Variants in RPH3A observed in about 807,000 individuals in gnomAD.
RPH3A encodes the protein rabphilin-3A.
RPH3A carries 48 observed loss-of-function variants against 102.2 expected under a neutral mutation model. The observed-to-expected ratio is 0.47, with a 90% CI of 0.37 to 0.60. RPH3A has a LOEUF of 0.60. Among genes scored for constraint, RPH3A ranks in the 20% least tolerant of loss-of-function variants. RPH3A has a pLI of 0.00. For synonymous variants in RPH3A, 310 were observed against 324.3 expected (o/e 0.96, Z 0.47); for missense variants, 781 against 910.1 (o/e 0.86, Z 1.83).
rs949465221 is a variant in RPH3A at position 112,648,186 on chromosome 12, G to A, written c.-140+72867G>A. ...TTAGTTTTTAATTTATCACAACTGT[G>A]ATCATTACATATACTATATACAATT... is the stretch of plus-strand genomic sequence containing the variant. On this transcript the variant is annotated intron_variant, in intron 1 of 21. Coordinates refer to the RPH3A transcript ENST00000543106. Among the ~76,000 whole-genome samples, 3 of 151,930 alleles carry A rather than the reference G, an allele frequency of 2.0e-5. 1 individual carries two copies. The highest frequency in any genetic ancestry group is 7.3e-5 in the African/African-American group (3 of 41,352).
chr12:112,809,368 A>C (rs888348631), intron 2 of RPH3A, among the ~76,000 whole-genome samples: 11 of 152,038 alleles, frequency 7.2e-5, no homozygotes, highest in Non-Finnish European at 1.6e-4. Context: ...AAGAACCCTC[A>C]CTATACAAGC....
intron 2 of RPH3A, among the ~76,000 whole-genome samples, chr12:112,798,335 A>G (rs1001300686): frequency 6.6e-6 from 1 of 152,202 alleles, no homozygotes; most frequent in Non-Finnish European, 1.5e-5. Context: ...AGGGGGGGAA[A>G]TATCTTCTCA....
At chr12:112,656,573 A>T (rs956161337) in intron 1 of RPH3A, among the ~76,000 whole-genome samples, 1 of 150,384 alleles carries the variant, frequency 6.6e-6, no homozygotes, top group East Asian at 1.9e-4. Context: ...ATCCCTTCCC[A>T]CTCTTCCCCC....
At chr12:112,600,503 T>A (rs1451424046) in intron 1 of RPH3A, among the ~76,000 whole-genome samples, 1 of 152,170 alleles carries the variant, frequency 6.6e-6, no homozygotes, top group Non-Finnish European at 1.5e-5. Context: ...GTCAAATAAC[T>A]TCCTCTCTCT....
intron 1 of RPH3A, chr12:112,717,875 G>A (rs1432971704): frequency 1.3e-5 from 2 of 152,112 alleles, no homozygotes; most frequent in African/African-American, 4.8e-5. Context: ...GGTTCTAGAT[G>A]CTTCATGTCC....
At chr12:112,891,033 GC>G (rs778610978) in intron 19 of RPH3A, 30 bp downstream of exon 19, 1 of 1,612,550 alleles carries the variant, frequency 6.2e-7, no homozygotes, top group Non-Finnish European at 8.5e-7. Flanking sequence ...CTACAGGTGG[GC>G]CCTGAAGGAG....
rs2042675123 is a variant in RPH3A, at chr12:112,869,811, A to G, written c.649+14A>G. 1.2e-6 allele frequency: 2 copies of G among 1,613,726 alleles called. No homozygotes were observed. Among genetic ancestry groups the G allele is most frequent in the Non-Finnish European group, 1.7e-6 (2 of 1,179,892 alleles). Reference sequence around the variant, plus strand: ...GTCAGAAGACAGGTGGGTTCTGCTGACTCTGTTTTGTCATTTGAGACACGA... The same window carrying G: ...GTCAGAAGACAGGTGGGTTCTGCTGGCTCTGTTTTGTCATTTGAGACACGA... On this transcript the variant is annotated intron_variant, in intron 9 of 21. Coordinates refer to ENST00000389385, the MANE Select transcript of RPH3A (RefSeq NM_001143854.2).
intron 15 of RPH3A, among the ~76,000 whole-genome samples, 182 bp from the exon 16 acceptor site, chr12:112,883,111 T>C (rs541139108): frequency 6.6e-6 from 1 of 152,324 alleles, no homozygotes; most frequent in African/African-American, 2.4e-5. Flanking sequence ...TCCATTTTTC[T>C]GTGGCCATGA....
At chr12:112,670,945 G>A (rs1566251494) in intron 1 of RPH3A, among the ~76,000 whole-genome samples, 1 of 152,102 alleles carries the variant, frequency 6.6e-6, no homozygotes, top group Non-Finnish European at 1.5e-5. Context: ...GTTGCAAAGG[G>A]CGTGCATATA....
intron 16 of RPH3A, 78 bp from the exon 17 acceptor site, chr12:112,887,719 C>A: frequency 6.9e-7 from 1 of 1,458,900 alleles, no homozygotes; most frequent in Non-Finnish European, 9.4e-7. Flanking sequence ...TTACCAGTAT[C>A]AGCTGCAACT....
intron 1 of RPH3A, among the ~76,000 whole-genome samples, chr12:112,591,781 G>A (rs965978033): frequency 6.6e-6 from 1 of 152,184 alleles, no homozygotes; most frequent in Non-Finnish European, 1.5e-5. Flanking sequence ...AGTCTGTGAT[G>A]TATTGTCATT....
intron 1 of RPH3A, among the ~76,000 whole-genome samples, chr12:112,771,802 T>C (rs974284002): frequency 3.3e-5 from 5 of 152,204 alleles, no homozygotes; most frequent in Non-Finnish European, 5.9e-5. Context: ...ATTTAGTAAG[T>C]TGTAAAATCC....
intron 1 of RPH3A, among the ~76,000 whole-genome samples, chr12:112,681,080 A>T (rs1010184580): frequency 6.6e-6 from 1 of 152,188 alleles, no homozygotes; most frequent in South Asian, 2.1e-4. Context: ...ACTCTGGCCC[A>T]CTGCGTCCCT....
At chr12:112,853,043 A>G (rs2042349969) in intron 5 of RPH3A, among the ~76,000 whole-genome samples, 1 of 152,146 alleles carries the variant, frequency 6.6e-6, no homozygotes, top group East Asian at 1.9e-4. Context: ...AGTCAGAGAG[A>G]CTTGTTGTTG....
At chr12:112,762,372 T>C (rs2040859529) in intron 1 of RPH3A, among the ~76,000 whole-genome samples, 1 of 152,196 alleles carries the variant, frequency 6.6e-6, no homozygotes, top group African/African-American at 2.4e-5. Flanking sequence ...TAGGTTCACA[T>C]TGACCTTCCC....
chr12:112,751,295 T>C (rs1270494515), intron 1 of RPH3A, among the ~76,000 whole-genome samples: 1 of 152,212 alleles, frequency 6.6e-6, no homozygotes, highest in Admixed American at 6.5e-5. Flanking sequence ...GTCATATGCA[T>C]AGCAGGCAGT....
chr12:112,858,076 G>A (rs868329550), intron 5 of RPH3A, among the ~76,000 whole-genome samples: 2 of 151,840 alleles, frequency 1.3e-5, no homozygotes, highest in Admixed American at 6.6e-5. Context: ...AATTCAAGAC[G>A]AGCCTGAGCA....
chr12:112,788,116 C>G (rs2041063735), upstream of RPH3A, among the ~76,000 whole-genome samples: 1 of 152,050 alleles, frequency 6.6e-6, no homozygotes, highest in African/African-American at 2.4e-5. Flanking sequence ...CCAGAAGCAC[C>G]CGGGACAGAA....
chr12:112,843,679 A>T (rs773385647), intron 4 of RPH3A, among the ~76,000 whole-genome samples: 13 of 152,186 alleles, frequency 8.5e-5, no homozygotes, highest in Non-Finnish European at 1.9e-4. Context: ...TTCACTGGGA[A>T]CTAAGCCTAG....
Sources: gnomAD v4.1 joint callset for allele counts (sites outside exome capture counted in the v4.1 genomes callset) on GRCh38, gnomAD v4.1.1 for gene constraint, MANE v1.5 for transcripts, NCBI Gene and HGNC (gene_info 2026-07-23, HGNC 2026-07-21) for gene names.